The following ATP1B3 variants were observed in gnomAD, a reference collection of about 807,000 sequenced individuals.
ATP1B3 encodes the protein ATPase Na+/K+ transporting subunit beta 3.
A neutral mutation model predicts 30.2 loss-of-function variants in ATP1B3; 10 were observed. That is an observed-to-expected ratio of 0.33 (90% confidence interval 0.20 to 0.56). ATP1B3 has a LOEUF of 0.56. Among genes scored for constraint, ATP1B3 ranks in the 20% least tolerant of loss-of-function variants. The pLI is 0.90. For missense variants in ATP1B3, 238 were observed against 336.7 expected, an observed-to-expected ratio of 0.71 and a Z score of 2.29; for synonymous variants, 113 against 117.0, an observed-to-expected ratio of 0.97 and a Z score of 0.22.
At chr3:141,896,998 G>C (rs1934079142) in intron 1 of ATP1B3, among the ~76,000 whole-genome samples, 1 of 152,164 alleles carries the variant, frequency 6.6e-6, no homozygotes, top group Admixed American at 6.5e-5. Flanking sequence ...TGTGGAGGCT[G>C]TCTGCTCCTG....
intron 1 of ATP1B3, chr3:141,902,055 G>A (rs1934173284): frequency 9.3e-7 from 1 of 1,076,130 alleles, no homozygotes; most frequent in African/African-American, 1.6e-5. Context: ...AAACTGGCCT[G>A]TGGGCTTTCT....
In ATP1B3 at chr3:141,907,160, T is replaced by C. The variant is rs752541136; in HGVS notation, c.239-7T>C. On this transcript the variant is annotated splice_region_variant and splice_polypyrimidine_tract_variant and intron_variant, in intron 2 of 6. Coordinates refer to ENST00000286371, the MANE Select transcript of ATP1B3 (RefSeq NM_001679.4). ...TTTGATAATCTCTCCCTTTTATGTC[T>C]TTATAGGACTCATGGTTTTTCCAAA... 13 of 1,596,112 alleles carry C rather than the reference T, an allele frequency of 8.1e-6. No homozygotes were observed. The highest frequency in any genetic ancestry group is 1.1e-5 in the Non-Finnish European group (13 of 1,169,770).
chr3:141,896,538 G>A (rs1197471627), intron 1 of ATP1B3, among the ~76,000 whole-genome samples: 2 of 151,902 alleles, frequency 1.3e-5, no homozygotes, highest in Admixed American at 1.3e-4. Flanking sequence ...AATAAAATAA[G>A]TAATATGTTT....
At chr3:141,892,367 A>G (rs1300346607) in intron 1 of ATP1B3, among the ~76,000 whole-genome samples, 1 of 152,116 alleles carries the variant, frequency 6.6e-6, no homozygotes. Flanking sequence ...TATTTCAACC[A>G]TTGGTGTTTA....
chr3:141,904,638 G>T (rs1324378886), intron 2 of ATP1B3, among the ~76,000 whole-genome samples: 3 of 149,818 alleles, frequency 2.0e-5, no homozygotes, highest in Non-Finnish European at 4.4e-5. Flanking sequence ...GAGAATGTAT[G>T]CAGTAAAAAA....
At chr3:141,923,011 C>T (rs995566500) in intron 6 of ATP1B3, among the ~76,000 whole-genome samples, 15 of 149,486 alleles carry the variant, frequency 1.0e-4, no homozygotes, top group Admixed American at 7.4e-4. Flanking sequence ...GGTGTGGTGG[C>T]TCACGCCTGC....
At chr3:141,914,360 T>C (rs2107777059) in intron 4 of ATP1B3, among the ~76,000 whole-genome samples, 1 of 152,214 alleles carries the variant, frequency 6.6e-6, no homozygotes, top group East Asian at 1.9e-4. Flanking sequence ...CAGTGGGATG[T>C]TGCAGTTGTA....
At position 141,896,898 on chromosome 3, in the gene ATP1B3, T is replaced by C. The variant is rs144846026; in HGVS notation, c.110-6722T>C. 3.5e-3 allele frequency among the ~76,000 whole-genome samples: 540 copies of C among 152,312 alleles called. 3 individuals carry two copies. Among genetic ancestry groups the C allele is most frequent in the Middle Eastern group, 6.8e-3 (2 of 294 alleles). ...TTTTATTTTGAATGTGTGATAATTATTGGTTTTGTGCTCCTCTTCTGTGTG... is the reference window on the plus strand; with the variant it reads ...TTTTATTTTGAATGTGTGATAATTACTGGTTTTGTGCTCCTCTTCTGTGTG... On this transcript the variant is annotated intron_variant, in intron 1 of 6. Coordinates refer to ENST00000286371, the MANE Select transcript of ATP1B3 (RefSeq NM_001679.4).
chr3:141,903,495 A>G (rs1934205430), intron 1 of ATP1B3, 125 bp from the exon 2 acceptor site: 1 of 1,373,662 alleles, frequency 7.3e-7, no homozygotes, highest in Admixed American at 2.3e-5. Context: ...ATATTTGGCT[A>G]TGTGCATGGC....
chr3:141,886,752 C>T (rs1039433724), intron 1 of ATP1B3, among the ~76,000 whole-genome samples: 4 of 152,200 alleles, frequency 2.6e-5, no homozygotes, highest in African/African-American at 9.7e-5. Flanking sequence ...TAGCCCAGCA[C>T]TTTGGGAGGC....
chr3:141,876,697 C>T lies in ATP1B3; in HGVS notation c.-105C>T, dbSNP rs1559862353. 7 of 786,346 alleles carry T rather than the reference C, an allele frequency of 8.9e-6. No individual in the cohort carries two copies. The highest frequency in any genetic ancestry group is 7.4e-5 in the Admixed American group (3 of 40,422). 48.7% of individuals were successfully genotyped at this position (786,346 alleles called of 1,614,324 possible). On this transcript the variant is annotated 5_prime_UTR_variant, in exon 1 of 7. Coordinates refer to ENST00000286371, the MANE Select transcript of ATP1B3 (RefSeq NM_001679.4). Reference sequence around the variant, plus strand: ...AGGTGTTCTCGGCCGTCCCACCCTTCACTGCCGTCTCCGGGCTGCGCCGCC... The same window carrying T: ...AGGTGTTCTCGGCCGTCCCACCCTTTACTGCCGTCTCCGGGCTGCGCCGCC...
intron 1 of ATP1B3, among the ~76,000 whole-genome samples, chr3:141,893,402 C>T (rs561192125): frequency 1.3e-5 from 2 of 152,240 alleles, no homozygotes; most frequent in South Asian, 4.1e-4. Context: ...TAGACACAAG[C>T]TTGTTATTTC....
chr3:141,910,604 C>T (rs1443475178), intron 3 of ATP1B3, among the ~76,000 whole-genome samples: 1 of 151,944 alleles, frequency 6.6e-6, no homozygotes, highest in African/African-American at 2.4e-5. Flanking sequence ...TGTAAACTAT[C>T]ATTTGAGGTA....
intron 1 of ATP1B3, among the ~76,000 whole-genome samples, chr3:141,880,758 C>G (rs969770890): frequency 6.6e-6 from 1 of 152,088 alleles, no homozygotes; most frequent in Non-Finnish European, 1.5e-5. Context: ...GGCTCATAGT[C>G]CAAAAACTCT....
intron 1 of ATP1B3, among the ~76,000 whole-genome samples, chr3:141,879,789 ACCTT>A: frequency 7.2e-6 from 1 of 139,042 alleles, no homozygotes; most frequent in Non-Finnish European, 1.6e-5. Context: ...AAAAAAAAAA[ACCTT>A]ACAGTTTTTG....
chr3:141,922,003 T>A lies in ATP1B3; in HGVS notation c.609T>A (p.Val203=). The A allele has an allele frequency of 6.4e-7, 1 of 1,551,208 alleles. No homozygotes were observed. The highest frequency in any genetic ancestry group is 8.8e-7 in the Non-Finnish European group (1 of 1,139,632). Residue 203 remains valine (V), a synonymous_variant, in exon 6 of 7, where the codon GTT becomes GTA. Transcript: ENST00000286371. The part of the protein sequence containing the change: ...SKNEDIPNVA[V]YPHNGMIDLK... ...ATGAAGATATACCAAATGTAGCAGT[T>A]TATCCTCATAATGGAATGATAGACT...
At chr3:141,890,085 T>TC (rs1491551478) in intron 1 of ATP1B3, among the ~76,000 whole-genome samples, 18 of 101,390 alleles carry the variant, frequency 1.8e-4, no homozygotes, top group Non-Finnish European at 2.7e-4. Context: ...TAATTTTTTT[T>TC]CTTTTTTTTT....
chr3:141,892,358 A>G (rs905593840), intron 1 of ATP1B3, among the ~76,000 whole-genome samples: 1 of 152,066 alleles, frequency 6.6e-6, no homozygotes, highest in Non-Finnish European at 1.5e-5. Context: ...TTTCCTGTTT[A>G]TTTCAACCAT....
chr3:141,901,251 T>C (rs992104739), intron 1 of ATP1B3, among the ~76,000 whole-genome samples: 1 of 152,240 alleles, frequency 6.6e-6, no homozygotes, highest in African/African-American at 2.4e-5. Context: ...CCATGAACAC[T>C]ATCCATGACT....
Sources: gnomAD v4.1 joint callset for allele counts (sites outside exome capture counted in the v4.1 genomes callset) on GRCh38, gnomAD v4.1.1 for gene constraint, MANE v1.5 for transcripts, NCBI Gene and HGNC (gene_info 2026-07-23, HGNC 2026-07-21) for gene names.